TAB2: variants seen among roughly 807,000 people sequenced by gnomAD.
The protein encoded by TAB2 is TGF-beta-activated kinase 1 and MAP3K7-binding protein 2.
Under a neutral mutation model 65.0 loss-of-function variants are expected in TAB2, and 3 were observed. The ratio of observed to expected loss-of-function variants is 0.05; its 90% CI spans 0.02 to 0.12. The LOEUF is 0.12. Among genes scored for constraint, TAB2 ranks in the 10% least tolerant of loss-of-function variants. The pLI, the probability that TAB2 is intolerant of heterozygous loss-of-function variation, is 1.00. For synonymous variants in TAB2, 298 were observed against 285.1 expected, an observed-to-expected ratio of 1.05 and a Z score of -0.46; for missense variants, 623 against 840.3, an observed-to-expected ratio of 0.74 and a Z score of 3.20.
At chr6:149,236,309 C>T (rs184733266) in intron 1 of TAB2, among the ~76,000 whole-genome samples, 2 of 152,338 alleles carry the variant, frequency 1.3e-5, no homozygotes, top group Non-Finnish European at 2.9e-5. Context: ...GCGTAAGTCA[C>T]AGGATCAAAC....
chr6:149,364,188 A>T (rs561893755), intron 1 of TAB2, among the ~76,000 whole-genome samples: 10 of 152,122 alleles, frequency 6.6e-5, no homozygotes, highest in African/African-American at 2.4e-4. Context: ...TTTTCCATAC[A>T]ATAGCCGTTT....
intron 3 of TAB2, among the ~76,000 whole-genome samples, chr6:149,396,692 GT>G (rs1480312379): frequency 6.6e-6 from 1 of 152,182 alleles, no homozygotes; most frequent in Non-Finnish European, 1.5e-5. Flanking sequence ...TTCCCAAGTA[GT>G]TCATGCTGCA....
chr6:149,272,039 A>G (rs1326044239), intron 1 of TAB2, among the ~76,000 whole-genome samples: 1 of 151,970 alleles, frequency 6.6e-6, no homozygotes, highest in Non-Finnish European at 1.5e-5. Context: ...AGAGGAAGTC[A>G]TTGAGTAATT....
intron 1 of TAB2, among the ~76,000 whole-genome samples, chr6:149,350,993 T>G (rs149781859): frequency 6.6e-6 from 1 of 152,100 alleles, no homozygotes; most frequent in African/African-American, 2.4e-5. Context: ...CCTGAGTACC[T>G]TCTTCATAAT....
chr6:149,243,209 A>G (rs1777635334), intron 1 of TAB2: 1 of 152,264 alleles, frequency 6.6e-6, no homozygotes, highest in African/African-American at 2.4e-5. Context: ...AAAGACTGCC[A>G]GCACGGCCTC....
intron 1 of TAB2, among the ~76,000 whole-genome samples, chr6:149,359,178 C>T (rs542769097): frequency 6.0e-4 from 91 of 152,192 alleles, no homozygotes; most frequent in African/African-American, 2.2e-3. Context: ...TTTTATTTAA[C>T]ATGAGCTCAT....
At chr6:149,254,010 G>GAAAGAAAGAA (rs1250788210) in intron 1 of TAB2, among the ~76,000 whole-genome samples, 4 of 137,166 alleles carry the variant, frequency 2.9e-5, no homozygotes, top group African/African-American at 1.1e-4. Flanking sequence ...AAGAAAGAAA[G>GAAAGAAAGAA]AAAGAAAGAA....
intron 1 of TAB2, among the ~76,000 whole-genome samples, chr6:149,275,245 A>AAAGT (rs1778442164): frequency 8.9e-6 from 1 of 112,810 alleles, no homozygotes; most frequent in Admixed American, 9.0e-5. Context: ...AGAAAGAAAG[A>AAAGT]AAGAAAGAAA....
intron 2 of TAB2, among the ~76,000 whole-genome samples, chr6:149,377,435 G>C (rs1781441734): frequency 6.6e-6 from 1 of 151,538 alleles, no homozygotes; most frequent in Admixed American, 6.6e-5. Context: ...TCTTCTGGAG[G>C]CTACCTTGAG....
At chr6:149,339,787 C>T (rs1376132816) in intron 1 of TAB2, among the ~76,000 whole-genome samples, 13 of 151,684 alleles carry the variant, frequency 8.6e-5, no homozygotes, top group Admixed American at 2.0e-4. Flanking sequence ...TTAGTAGAGA[C>T]GGGGTTTTAC....
At chr6:149,271,376 A>G (rs191676668) in intron 1 of TAB2, among the ~76,000 whole-genome samples, 145 of 152,308 alleles carry the variant, frequency 9.5e-4, no homozygotes, top group Non-Finnish European at 8.1e-4. Flanking sequence ...AAGGGTAAGA[A>G]AAAAGCTCTG....
intron 1 of TAB2, chr6:149,321,188 T>A (rs577857361): frequency 6.6e-6 from 1 of 152,342 alleles, no homozygotes; most frequent in South Asian, 2.1e-4. Flanking sequence ...ATATATGTCA[T>A]CTTATTTAAA....
At chr6:149,251,374 C>T (rs1777858026) in intron 1 of TAB2, among the ~76,000 whole-genome samples, 2 of 152,174 alleles carry the variant, frequency 1.3e-5, no homozygotes, top group African/African-American at 4.8e-5. Context: ...GTCATCACCC[C>T]ATATGACCCG....
intron 1 of TAB2, among the ~76,000 whole-genome samples, chr6:149,283,033 A>G (rs1488645034): frequency 6.6e-6 from 1 of 152,204 alleles, no homozygotes; most frequent in Non-Finnish European, 1.5e-5. Flanking sequence ...AAAAAGATTC[A>G]CAAGTGGCTA....
chr6:149,255,938 G>A (rs1172168473), intron 1 of TAB2, among the ~76,000 whole-genome samples: 1 of 152,158 alleles, frequency 6.6e-6, no homozygotes, highest in Admixed American at 6.5e-5. Flanking sequence ...AAGAGGGCAG[G>A]AAAAAGGAGA....
intron 1 of TAB2, among the ~76,000 whole-genome samples, chr6:149,340,097 C>A (rs1583103125): frequency 6.6e-6 from 1 of 152,220 alleles, no homozygotes; most frequent in African/African-American, 2.4e-5. Flanking sequence ...CTCCTTTCAA[C>A]ATCAAATCTA....
chr6:149,406,558 G>C (rs891848522), intron 6 of TAB2, among the ~76,000 whole-genome samples: 16 of 152,000 alleles, frequency 1.1e-4, no homozygotes, highest in African/African-American at 3.9e-4. Context: ...CCTGCCGTCT[G>C]TTTTTGTCAA....
chr6:149,320,318 C>T (rs1779400118), intron 1 of TAB2, among the ~76,000 whole-genome samples: 1 of 152,094 alleles, frequency 6.6e-6, no homozygotes, highest in Non-Finnish European at 1.5e-5. Context: ...CTTAGGTGAT[C>T]CACCCGCCTC....
chr6:149,381,334 C>G (rs1454988895), intron 3 of TAB2, among the ~76,000 whole-genome samples: 2 of 152,036 alleles, frequency 1.3e-5, no homozygotes, highest in African/African-American at 4.8e-5. Context: ...CTTAATTCTC[C>G]TCTTCTCCCA....
Sources: gnomAD v4.1 joint callset for allele counts (sites outside exome capture counted in the v4.1 genomes callset) on GRCh38, gnomAD v4.1.1 for gene constraint, MANE v1.5 for transcripts, NCBI Gene and HGNC (gene_info 2026-07-23, HGNC 2026-07-21) for gene names.